DYNC1I1: variants seen among roughly 807,000 people sequenced by gnomAD.
DYNC1I1 encodes dynein cytoplasmic 1 intermediate chain 1.
Under a neutral mutation model 86.6 loss-of-function variants are expected in DYNC1I1, and 43 were observed. That is an observed-to-expected ratio of 0.50 (90% CI 0.39 to 0.64). The LOEUF (loss-of-function observed/expected upper bound fraction) is 0.64. Among genes scored for constraint, DYNC1I1 ranks in the 30% least tolerant of loss-of-function variants. DYNC1I1 has a pLI of 0.00. For missense variants in DYNC1I1, 604 were observed against 788.8 expected, an observed-to-expected ratio of 0.77 and a Z score of 2.81; for synonymous variants, 262 against 283.7, an observed-to-expected ratio of 0.92 and a Z score of 0.77.
rs753498590 is a variant in DYNC1I1, at chr7:95,944,326, T to TACCATCTCAC, written c.491-33181_491-33172dup. On this transcript the variant is annotated intron_variant, in intron 6 of 16. Coordinates refer to ENST00000447467, the MANE Select transcript of DYNC1I1 (RefSeq NM_001135556.2). ...AATGCAAATCAAAACCACAATGAGA[T>TACCATCTCAC]ACCATCTCACACCAGTTAGAATGGC... Among the ~76,000 whole-genome samples the TACCATCTCAC allele has an allele frequency of 3.5e-3, 532 of 152,224 alleles. 2 individuals carry two copies. Among genetic ancestry groups the TACCATCTCAC allele is most frequent in the Non-Finnish European group, 6.3e-3 (431 of 67,990 alleles).
chr7:96,105,318 C>CT, intron 16 of DYNC1I1, among the ~76,000 whole-genome samples: 1 of 151,248 alleles, frequency 6.6e-6, no homozygotes, highest in East Asian at 1.9e-4. Context: ...TGTTTCTTTT[C>CT]TTTTTTCTTT....
At position 95,869,865 on chromosome 7, in the gene DYNC1I1, A is replaced by G. The variant is rs1790115565; in HGVS notation, c.375-18A>G. 1 of 1,608,316 alleles carries G rather than the reference A, an allele frequency of 6.2e-7. No individual in the cohort carries two copies. Among genetic ancestry groups the G allele is most frequent in the African/African-American group, 1.3e-5 (1 of 74,678 alleles). On this transcript the variant is annotated intron_variant, in intron 5 of 16. Transcript: ENST00000447467. ...GAATGCCTCCCCTCTCTAAGCATTT[A>G]TTCTTTGTTACTTACAGAAGAAGAC...
rs76455495 is a variant in DYNC1I1 at position 96,097,980 on chromosome 7, G to A, written c.*387G>A. On this transcript the variant is annotated 3_prime_UTR_variant, in exon 17 of 17. Coordinates refer to ENST00000447467, the MANE Select transcript of DYNC1I1 (RefSeq NM_001135556.2). ...AGATATGATTGGGTGCAGATGTGGT[G>A]TTCCTCATATTATGGTACAGGGCCA... is the stretch of plus-strand genomic sequence containing the variant. 46 of 1,002,332 alleles carry A rather than the reference G, an allele frequency of 4.6e-5. No homozygotes were observed. Among genetic ancestry groups the A allele is most frequent in the South Asian group, 8.9e-5 (2 of 22,544 alleles). The allele number at this position is 1,002,332 out of a possible 1,614,324, so 62.1% of individuals were successfully genotyped here.
At chr7:95,886,916 A>G (rs1790608647) in intron 6 of DYNC1I1, among the ~76,000 whole-genome samples, 2 of 152,166 alleles carry the variant, frequency 1.3e-5, no homozygotes, top group Non-Finnish European at 2.9e-5. Flanking sequence ...GTTTCTGTTT[A>G]CTCAATCTGT....
intron 9 of DYNC1I1, among the ~76,000 whole-genome samples, chr7:95,988,002 A>T (rs1303917244): frequency 2.0e-5 from 3 of 152,084 alleles, no homozygotes; most frequent in African/African-American, 7.2e-5. Context: ...TAACCTTCAA[A>T]CTGATATTTC....
chr7:95,937,326 C>T (rs1562949288), intron 6 of DYNC1I1, among the ~76,000 whole-genome samples: 1 of 151,918 alleles, frequency 6.6e-6, no homozygotes, highest in African/African-American at 2.4e-5. Flanking sequence ...GTTCTCACCA[C>T]ATGGACAAAA....
chr7:95,773,084 C>A (rs1291060411), intron 1 of DYNC1I1, among the ~76,000 whole-genome samples: 1 of 152,196 alleles, frequency 6.6e-6, no homozygotes, highest in Admixed American at 6.5e-5. Flanking sequence ...GTGCGCCCCG[C>A]CTCGGTCTTC....
intron 6 of DYNC1I1, 35 bp downstream of exon 6, chr7:95,870,033 C>T (rs777564616): frequency 1.3e-6 from 2 of 1,560,984 alleles, no homozygotes; most frequent in Admixed American, 1.8e-5. Context: ...TCCATATTAT[C>T]TCTGGAGAAA....
At position 96,014,772 on chromosome 7, in the gene DYNC1I1, G is replaced by A. The variant is rs553540088; in HGVS notation, c.970-13403G>A. The stretch of plus-strand genomic sequence containing the variant: ...TATAGTCACTTTGTGAAGTACTGCA[G>A]ACAATTCATTATAATTTATCACACT... On this transcript the variant is annotated intron_variant, in intron 10 of 16. Coordinates refer to ENST00000447467, the MANE Select transcript of DYNC1I1 (RefSeq NM_001135556.2). 2.6e-5 allele frequency among the ~76,000 whole-genome samples: 4 copies of A among 152,308 alleles called. 1 individual carries two copies. The South Asian group carries it at 8.3e-4, about 32-fold the overall frequency.
chr7:95,915,108 A>G lies in DYNC1I1; in HGVS notation c.490+45110A>G, dbSNP rs73393017. 6.0e-3 allele frequency among the ~76,000 whole-genome samples: 910 copies of G among 152,300 alleles called. 9 individuals are homozygous for G. The highest frequency in any genetic ancestry group is 0.021 in the African/African-American group (879 of 41,566). ...TATTTCATGTGCCAGCATTTCCTTCATGTTACTTAGATAATTAAGTTCTTC... is the reference window on the plus strand; with the variant it reads ...TATTTCATGTGCCAGCATTTCCTTCGTGTTACTTAGATAATTAAGTTCTTC... On this transcript the variant is annotated intron_variant, in intron 6 of 16. Coordinates refer to ENST00000447467, the MANE Select transcript of DYNC1I1 (RefSeq NM_001135556.2).
At chr7:95,845,997 A>G (rs1789414621) in intron 5 of DYNC1I1, among the ~76,000 whole-genome samples, 1 of 152,184 alleles carries the variant, frequency 6.6e-6, no homozygotes, top group Admixed American at 6.5e-5. Context: ...TTTCAGAAAG[A>G]TGTAGGCCAA....
At chr7:96,100,193 C>T (rs552468430), downstream of DYNC1I1, among the ~76,000 whole-genome samples, 1 of 152,242 alleles carries the variant, frequency 6.6e-6, no homozygotes, top group Non-Finnish European at 1.5e-5. Flanking sequence ...CTAAGGCTGG[C>T]CTGTATCTAG....
chr7:96,030,965 C>T (rs1394008795), intron 11 of DYNC1I1, among the ~76,000 whole-genome samples: 1 of 152,100 alleles, frequency 6.6e-6, no homozygotes, highest in Non-Finnish European at 1.5e-5. Flanking sequence ...TGCAGATCCA[C>T]TAAGGCTGAC....
At chr7:96,020,416 C>T (rs927151303) in intron 10 of DYNC1I1, among the ~76,000 whole-genome samples, 4 of 151,972 alleles carry the variant, frequency 2.6e-5, no homozygotes, top group African/African-American at 7.2e-5. Context: ...GGGAAACTCC[C>T]CCTTATAATA....
intron 16 of DYNC1I1, among the ~76,000 whole-genome samples, chr7:96,083,223 A>C (rs1243301243): frequency 6.6e-6 from 1 of 152,226 alleles, no homozygotes; most frequent in African/African-American, 2.4e-5. Context: ...GATCATATAC[A>C]AAGCAATCTA....
intron 1 of DYNC1I1, among the ~76,000 whole-genome samples, chr7:95,778,509 G>A (rs1793903914): frequency 6.6e-6 from 1 of 152,098 alleles, no homozygotes; most frequent in South Asian, 2.1e-4. Flanking sequence ...AGGTGAGTAG[G>A]GCCAGAAGGA....
In DYNC1I1 at chr7:95,823,952, CTATATATATATATATA is replaced by C. The variant is rs71127429; in HGVS notation, c.315-4093_315-4078del. ...TTACTTTCAGATTTGTTCTACTAAACTATATATATATATATATATATATATATGTTTTGGTTTTTTG... is the reference window on the plus strand; with the variant it reads ...TTACTTTCAGATTTGTTCTACTAAACTATATATATATGTTTTGGTTTTTTG... On this transcript the variant is annotated intron_variant, in intron 4 of 16. Transcript: ENST00000447467. Among the ~76,000 whole-genome samples, 22 of 77,878 alleles carry C rather than the reference CTATATATATATATATA, an allele frequency of 2.8e-4. 1 individual carries two copies. The highest frequency in any genetic ancestry group is 7.3e-4 in the African/African-American group (11 of 15,122). 51.1% of individuals were successfully genotyped at this position (77,878 alleles called of 152,430 possible).
chr7:96,066,413 A>G (rs749802513), intron 14 of DYNC1I1, among the ~76,000 whole-genome samples: 10 of 152,222 alleles, frequency 6.6e-5, no homozygotes, highest in Non-Finnish European at 1.2e-4. Context: ...ACCTGGCTAC[A>G]TACTTGTTCT....
intron 10 of DYNC1I1, among the ~76,000 whole-genome samples, chr7:96,027,454 G>A (rs1794708548): frequency 6.6e-6 from 1 of 152,174 alleles, no homozygotes; most frequent in Non-Finnish European, 1.5e-5. Context: ...GTCTTTTATG[G>A]AGCTTCAGAA....
Sources: gnomAD v4.1 joint callset for allele counts (sites outside exome capture counted in the v4.1 genomes callset) on GRCh38, gnomAD v4.1.1 for gene constraint, MANE v1.5 for transcripts, NCBI Gene and HGNC (gene_info 2026-07-23, HGNC 2026-07-21) for gene names.